HEATR5B: variants seen among roughly 807,000 people sequenced by gnomAD.
HEATR5B encodes HEAT repeat containing 5B.
HEATR5B carries 156 observed loss-of-function variants against 224.1 expected under a neutral mutation model. The observed-to-expected ratio is 0.70, with a 90% confidence interval of 0.61 to 0.80. HEATR5B has a LOEUF of 0.80. Ranked by LOEUF, HEATR5B falls within the 30% of genes least tolerant of loss-of-function variation. The probability of loss-of-function intolerance (pLI) is 0.00; values close to 1 mark genes in which losing one functional copy is unlikely to be tolerated. For synonymous variants in HEATR5B, 1,027 were observed against 893.0 expected, an observed-to-expected ratio of 1.15 and a Z score of -2.68; for missense variants, 2,323 against 2,535.5, an observed-to-expected ratio of 0.92 and a Z score of 1.80.
intron 32 of HEATR5B, among the ~76,000 whole-genome samples, chr2:37,001,805 AG>A (rs10711369): frequency 0.27 from 41,619 of 151,874 alleles, 6,237 homozygotes; most frequent in East Asian, 0.64. Flanking sequence ...CTGGGATTAC[AG>A]GGCATACGCC....
At chr2:37,038,475 T>C (rs1363762316) in intron 20 of HEATR5B, among the ~76,000 whole-genome samples, 1 of 152,132 alleles carries the variant, frequency 6.6e-6, no homozygotes, top group Non-Finnish European at 1.5e-5. Context: ...AAGGAAATCA[T>C]AAAAATCACA....
At chr2:37,057,584 T>A (rs1670991808) in intron 14 of HEATR5B, 104 bp from the exon 15 acceptor site, 2 of 695,418 alleles carry the variant, frequency 2.9e-6, no homozygotes, top group Admixed American at 3.5e-5. Flanking sequence ...ATAAAATAAT[T>A]AAGTCTCTGT....
At chr2:37,013,014 T>TTC (rs1558730896) in intron 27 of HEATR5B, among the ~76,000 whole-genome samples, 3 of 152,238 alleles carry the variant, frequency 2.0e-5, no homozygotes, top group African/African-American at 7.2e-5. Flanking sequence ...CACCCCCGTA[T>TTC]TCTCAACTGC....
At chr2:37,061,714 TG>T (rs1320816546) in intron 11 of HEATR5B, among the ~76,000 whole-genome samples, 2 of 152,342 alleles carry the variant, frequency 1.3e-5, no homozygotes, top group South Asian at 4.1e-4. Flanking sequence ...GTTATTCTGA[TG>T]GTAAAGGTGA....
At chr2:37,064,668 A>G in intron 10 of HEATR5B, 72 bp downstream of exon 10, 1 of 1,516,100 alleles carries the variant, frequency 6.6e-7, no homozygotes, top group Non-Finnish European at 9.0e-7. Context: ...GTTCAACACT[A>G]AACACAGCAG....
intron 21 of HEATR5B, among the ~76,000 whole-genome samples, 193 bp from the exon 22 acceptor site, chr2:37,032,966 C>T (rs929436557): frequency 3.3e-5 from 5 of 151,768 alleles, no homozygotes; most frequent in African/African-American, 9.7e-5. Flanking sequence ...CTGCAACCTC[C>T]GCCTTCTGGT....
At chr2:37,043,208 C>A (rs914201855) in intron 18 of HEATR5B, among the ~76,000 whole-genome samples, 2 of 152,276 alleles carry the variant, frequency 1.3e-5, no homozygotes, top group African/African-American at 4.8e-5. Context: ...GACCCTGAAG[C>A]ATTTCTTTAA....
At chr2:37,039,863 C>A (rs1669768289) in intron 20 of HEATR5B, among the ~76,000 whole-genome samples, 1 of 152,180 alleles carries the variant, frequency 6.6e-6, no homozygotes. Flanking sequence ...TATCTTCTCG[C>A]AGTTTACTTC....
At chr2:36,988,927 A>C (rs1666133282) in intron 34 of HEATR5B, 68 bp from the exon 35 acceptor site, 4 of 1,171,470 alleles carry the variant, frequency 3.4e-6, no homozygotes, top group African/African-American at 3.1e-5. Context: ...ATCACATTGC[A>C]TCTTACTATG....
chr2:37,017,994 C>T (rs1169680853), intron 26 of HEATR5B, among the ~76,000 whole-genome samples: 1 of 151,946 alleles, frequency 6.6e-6, no homozygotes, highest in Non-Finnish European at 1.5e-5. Flanking sequence ...CTAAGAGTTA[C>T]CCTGATTTTA....
At chr2:37,083,482 T>C in intron 1 of HEATR5B, 46 bp from the exon 2 acceptor site, 4 of 1,404,738 alleles carry the variant, frequency 2.8e-6, no homozygotes, top group Non-Finnish European at 4.0e-6. Flanking sequence ...TTTTTTAATG[T>C]TAAAAGTCAA....
At position 37,064,873 on chromosome 2, in the gene HEATR5B, A is replaced by G; in HGVS notation, c.1451T>C (p.Leu484Pro). The change falls in exon 10 of 36, where the codon CTA becomes CCA. Residue 484 changes from leucine to proline, a missense_variant. Physicochemically the swap from Leu to Pro is moderately conservative, Grantham distance 98. This residue lies in a region of HEATR5B where 502 missense variants were observed against 517.8 expected (regional missense o/e 0.97). Transcript: ENST00000233099. Reference sequence around the variant, plus strand: ...GTTGAGCCGTTCTGCACACCTGTCTAGAAATGGTGTCAGCTGGAAAGGTAA... The same window carrying G: ...GTTGAGCCGTTCTGCACACCTGTCTGGAAATGGTGTCAGCTGGAAAGGTAA... ...VALPFQLTPF[L>P]DRCAERLNNL... 1.2e-6 allele frequency: 2 copies of G among 1,614,152 alleles called. No homozygotes were observed. Among genetic ancestry groups the G allele is most frequent in the Non-Finnish European group, 1.7e-6 (2 of 1,180,016 alleles).
At position 37,063,467 on chromosome 2, in the gene HEATR5B, C is replaced by G. The variant is rs996490278; in HGVS notation, c.1584+1273G>C. On this transcript the variant is annotated intron_variant, in intron 10 of 35. Coordinates refer to ENST00000233099, the MANE Select transcript of HEATR5B (RefSeq NM_019024.3). ...GAGATTATATTTTACTCTCTGAGTACTGGGTAGTCCCTAAGGGTCTCTGGG... is the reference window on the plus strand; with the variant it reads ...GAGATTATATTTTACTCTCTGAGTAGTGGGTAGTCCCTAAGGGTCTCTGGG... 3.5e-4 allele frequency among the ~76,000 whole-genome samples: 54 copies of G among 152,158 alleles called. 1 individual carries two copies. Among genetic ancestry groups the G allele is most frequent in the Non-Finnish European group, 7.3e-5 (5 of 68,040 alleles).
chr2:36,985,621 CTTTTTTTTTT>C (rs558499229), intron 35 of HEATR5B, among the ~76,000 whole-genome samples: 1 of 92,298 alleles, frequency 1.1e-5, no homozygotes, highest in Non-Finnish European at 2.1e-5. Context: ...CCACTCCTGG[CTTTTTTTTTT>C]TTTTTTTTTT....
chr2:37,058,898 T>C lies in HEATR5B; in HGVS notation c.1939A>G (p.Met647Val), dbSNP rs779137347. Residue 647 changes from methionine (M) to valine (V), a missense_variant, in exon 13 of 36, where the codon ATG becomes GTG. Physicochemically the swap from Met to Val is conservative, Grantham distance 21. Around this residue, in one of 12 missense-constraint regions of HEATR5B, gnomAD observed 502 missense variants for 517.8 expected, o/e 0.97. Coordinates refer to ENST00000233099, the MANE Select transcript of HEATR5B (RefSeq NM_019024.3). Reference sequence around the variant, plus strand: ...CAATCGCTTACTTACTGTGACATCATAGTCATGGCACATTCAATAGGGGTC... The same window carrying C: ...CAATCGCTTACTTACTGTGACATCACAGTCATGGCACATTCAATAGGGGTC... ...LMTPIECAMT[M>V]MSHIPSVMKA... The C allele has an allele frequency of 3.6e-5, 57 of 1,592,592 alleles. No homozygotes were observed. The highest frequency in any genetic ancestry group is 1.7e-5 in the Admixed American group (1 of 59,874).
intron 4 of HEATR5B, chr2:37,076,236 T>C (rs1029719258): frequency 6.6e-6 from 1 of 152,334 alleles, no homozygotes; most frequent in African/African-American, 2.4e-5. Flanking sequence ...GTATGTTTAA[T>C]GCCTGACAAA....
intron 35 of HEATR5B, among the ~76,000 whole-genome samples, chr2:36,986,416 C>T (rs1013075381): frequency 6.6e-6 from 1 of 152,150 alleles, no homozygotes; most frequent in Non-Finnish European, 1.5e-5. Flanking sequence ...TCCACTTTCT[C>T]CTCTGCATTC....
Position 37,064,976 on chromosome 2 carries a change from C to T in HEATR5B, c.1348G>A (p.Val450Met), listed in dbSNP as rs1415869125. The T allele has an allele frequency of 1.9e-6, 3 of 1,613,810 alleles. No homozygotes were observed. The African/African-American group carries it at 4.0e-5, about 22-fold the overall frequency. ...CTTGGATGAAGCAGCACTGAAGTCA[C>T]AATCTCCAAAAGCCCTAAACAAGAA... is the stretch of plus-strand genomic sequence containing the variant. ...QEASIGLLEI[V>M]TSVLLHPSMA... The change falls in exon 10 of 36, where the codon GTG (valine) becomes ATG (methionine). Residue 450 changes from valine (V) to methionine (M), a missense_variant. Physicochemically the swap from Val to Met is conservative, Grantham distance 21. Coordinates refer to ENST00000233099, the MANE Select transcript of HEATR5B (RefSeq NM_019024.3).
At chr2:36,982,614 G>A (rs965933587) in intron 35 of HEATR5B, among the ~76,000 whole-genome samples, 1 of 152,002 alleles carries the variant, frequency 6.6e-6, no homozygotes, top group Non-Finnish European at 1.5e-5. Context: ...GGAAGCATCT[G>A]GTAGAGAATG....
Sources: allele counts gnomAD v4.1 joint callset (sites outside exome capture counted in the v4.1 genomes callset), GRCh38; gene constraint gnomAD v4.1.1; regional missense constraint gnomAD v4.1.1; transcripts MANE v1.5; gene names NCBI Gene and HGNC (gene_info 2026-07-23, HGNC 2026-07-21).